Variants in SDK1 observed in about 807,000 individuals in gnomAD.
SDK1 encodes the protein protein sidekick-1.
Under a neutral mutation model 245.5 loss-of-function variants are expected in SDK1, and 157 were observed. That is an observed-to-expected ratio of 0.64 (90% CI 0.56 to 0.73). SDK1 has a LOEUF of 0.73. Ranked by LOEUF, SDK1 falls within the 30% of genes least tolerant of loss-of-function variation. SDK1 has a pLI of 0.00. For synonymous variants in SDK1, 1,647 were observed against 1,278.5 expected (o/e 1.29, Z -6.15); for missense variants, 3,583 against 3,002.3 (o/e 1.19, Z -4.52).
rs143555510 is a variant in SDK1 at position 3,507,800 on chromosome 7, C to G, written c.299-111280C>G. 4.4e-3 allele frequency among the ~76,000 whole-genome samples: 663 copies of G among 152,282 alleles called. 8 individuals are homozygous for G. Among genetic ancestry groups the G allele is most frequent in the African/African-American group, 0.015 (625 of 41,554 alleles). On this transcript the variant is annotated intron_variant, in intron 1 of 44. Transcript: ENST00000404826. ...GGAATATGTGTTAGTCTCCCTTTGT[C>G]TTAAACCGCCATATCTGGACCTGCC...
intron 22 of SDK1, among the ~76,000 whole-genome samples, chr7:4,090,946 A>G (rs1243004600): frequency 2.0e-5 from 3 of 152,060 alleles, no homozygotes; most frequent in African/African-American, 7.2e-5. Context: ...TATGCTCAGT[A>G]TATTTATTTT....
intron 1 of SDK1, among the ~76,000 whole-genome samples, chr7:3,497,274 A>C (rs1159776702): frequency 6.6e-6 from 1 of 152,204 alleles, no homozygotes. Flanking sequence ...CCAGGGCTAA[A>C]ACTGTGAAAT....
intron 10 of SDK1, among the ~76,000 whole-genome samples, chr7:3,969,025 C>G (rs1782284304): frequency 1.3e-5 from 2 of 152,158 alleles, no homozygotes; most frequent in Non-Finnish European, 2.9e-5. Context: ...TTTAAACCAT[C>G]AGATCTCATG....
intron 4 of SDK1, among the ~76,000 whole-genome samples, chr7:3,660,771 T>C (rs950781403): frequency 3.9e-5 from 6 of 152,258 alleles, no homozygotes; most frequent in Non-Finnish European, 2.9e-5. Context: ...AACTGCACTG[T>C]TTTACCTTGG....
At chr7:4,170,389 G>C (rs1781762429) in intron 32 of SDK1, among the ~76,000 whole-genome samples, 1 of 152,142 alleles carries the variant, frequency 6.6e-6, no homozygotes, top group Admixed American at 6.5e-5. Flanking sequence ...CGAGGCTGCA[G>C]TGAGCTCTGA....
chr7:4,205,669 G>A (rs1054393710), intron 35 of SDK1, among the ~76,000 whole-genome samples: 5 of 152,178 alleles, frequency 3.3e-5, no homozygotes, highest in African/African-American at 9.7e-5. Flanking sequence ...GGCATAAAAG[G>A]GCTGAGAGCT....
chr7:4,159,821 A>C (rs1781001036), intron 31 of SDK1, among the ~76,000 whole-genome samples: 1 of 152,236 alleles, frequency 6.6e-6, no homozygotes, highest in Non-Finnish European at 1.5e-5. Flanking sequence ...GAGTGTTATG[A>C]CCTTGTACAA....
chr7:3,722,561 C>T (rs1361164387), intron 4 of SDK1, among the ~76,000 whole-genome samples: 1 of 152,126 alleles, frequency 6.6e-6, no homozygotes. Flanking sequence ...TGCTGAGGTC[C>T]AGGAGCTCCT....
rs564220399 is a variant in SDK1, at chr7:3,959,160, C to T, written c.1234+146C>T. 5.9e-6 allele frequency: 4 copies of T among 681,448 alleles called. No homozygotes were observed. The East Asian group carries it at 7.9e-5, about 13-fold the overall frequency. The allele number at this position is 681,448 out of a possible 1,614,324, so 42.2% of individuals were successfully genotyped here. ...TTCAGAGAGTAGATCGGTCTTGGGG[C>T]AGTGACTGTGGGTAAGGCATTTGAC... On this transcript the variant is annotated intron_variant, in intron 8 of 44. Transcript: ENST00000404826.
At chr7:3,351,506 G>C (rs921334439) in intron 1 of SDK1, among the ~76,000 whole-genome samples, 1 of 152,074 alleles carries the variant, frequency 6.6e-6, no homozygotes, top group Non-Finnish European at 1.5e-5. Flanking sequence ...TAAAAGACAC[G>C]TCAGATTGGA....
rs1388676686 is a variant in SDK1 at position 4,268,623 on chromosome 7, T to G, written c.*3239T>G. On this transcript the variant is annotated 3_prime_UTR_variant, in exon 45 of 45. Transcript: ENST00000404826. The stretch of plus-strand genomic sequence containing the variant: ...ACTGTGACTGGGCTGAAGCATGATG[T>G]TTGCCTAATGGTTCGTAGCATGGTT... The G allele has an allele frequency of 8.8e-6, 12 of 1,367,452 alleles. No homozygotes were observed. The East Asian group carries it at 2.7e-4, about 31-fold the overall frequency. 84.7% of individuals were successfully genotyped at this position (1,367,452 alleles called of 1,614,324 possible).
At chr7:3,678,701 A>C (rs1329783719) in intron 4 of SDK1, among the ~76,000 whole-genome samples, 1 of 152,218 alleles carries the variant, frequency 6.6e-6, no homozygotes, top group African/African-American at 2.4e-5. Context: ...TCTGGATAGA[A>C]ATAGTGGTGA....
At chr7:4,072,974 C>T (rs1780356599) in intron 20 of SDK1, among the ~76,000 whole-genome samples, 1 of 152,250 alleles carries the variant, frequency 6.6e-6, no homozygotes, top group African/African-American at 2.4e-5. Context: ...TCAGTAAACT[C>T]TGATTTATGA....
chr7:3,943,566 C>G (rs1324240022), intron 5 of SDK1, among the ~76,000 whole-genome samples: 3 of 150,552 alleles, frequency 2.0e-5, no homozygotes, highest in Admixed American at 1.3e-4. Flanking sequence ...GTTCCTAGCG[C>G]GGAGGCTCCC....
chr7:3,904,461 A>C lies in SDK1; in HGVS notation c.848-46462A>C, dbSNP rs140389395. ...ACCTGTAATGCACTTTGGGAGGCTG[A>C]GGTGGGAGGATCGCTTGAGTCCAGG... is the stretch of plus-strand genomic sequence containing the variant. On this transcript the variant is annotated intron_variant, in intron 5 of 44. Coordinates refer to ENST00000404826, the MANE Select transcript of SDK1 (RefSeq NM_152744.4). Among the ~76,000 whole-genome samples the C allele has an allele frequency of 8.6e-3, 1,315 of 152,248 alleles. 9 individuals are homozygous for C. Among genetic ancestry groups the C allele is most frequent in the Middle Eastern group, 0.024 (7 of 294 alleles).
intron 1 of SDK1, among the ~76,000 whole-genome samples, chr7:3,427,673 G>C (rs188089174): frequency 1.3e-5 from 2 of 152,162 alleles, no homozygotes; most frequent in Non-Finnish European, 1.5e-5. Context: ...TCCTTTCTAA[G>C]TTTGGATCAG....
chr7:3,476,168 T>G (rs1781342975), intron 1 of SDK1: 1 of 152,606 alleles, frequency 6.6e-6, no homozygotes, highest in South Asian at 2.1e-4. Flanking sequence ...GAGAGCTTCC[T>G]AAAAGGTACG....
chr7:4,132,008 G>A (rs73671563), intron 27 of SDK1, among the ~76,000 whole-genome samples: 9,482 of 152,180 alleles, frequency 0.062, 812 homozygotes, highest in African/African-American at 0.19. Flanking sequence ...GAGTCATTTA[G>A]TGACTGGTCT....
intron 7 of SDK1, among the ~76,000 whole-genome samples, chr7:3,955,647 G>A (rs992485072): frequency 1.3e-5 from 2 of 152,210 alleles, no homozygotes; most frequent in Non-Finnish European, 2.9e-5. Flanking sequence ...GGAACAGGGA[G>A]GCAGCGCAGG....
Sources: allele counts gnomAD v4.1 joint callset (sites outside exome capture counted in the v4.1 genomes callset), GRCh38; gene constraint gnomAD v4.1.1; transcripts MANE v1.5; gene names NCBI Gene and HGNC (gene_info 2026-07-23, HGNC 2026-07-21).